The following PHF21A variants were observed in gnomAD, a reference collection of about 807,000 sequenced individuals.
The protein encoded by PHF21A is BHC80a.
A neutral mutation model predicts 82.5 loss-of-function variants in PHF21A; 11 were observed. That is an observed-to-expected ratio of 0.13 (90% CI 0.08 to 0.22). The LOEUF (loss-of-function observed/expected upper bound fraction) is 0.22. PHF21A is among the 10% of genes least tolerant of loss of function. PHF21A has a pLI of 1.00. For synonymous variants in PHF21A, 297 were observed against 302.8 expected (o/e 0.98, Z 0.20); for missense variants, 579 against 837.8 (o/e 0.69, Z 3.81).
At chr11:46,064,099 G>C (rs918091986) in intron 6 of PHF21A, among the ~76,000 whole-genome samples, 2 of 152,148 alleles carry the variant, frequency 1.3e-5, no homozygotes, top group Admixed American at 1.3e-4. Flanking sequence ...TGTGCTTCTT[G>C]ACTCCACAGG....
Position 46,046,643 on chromosome 11 carries a change from G to T in PHF21A, c.153+30111C>A, listed in dbSNP as rs1398372555. Among the ~76,000 whole-genome samples the T allele has an allele frequency of 5.3e-5, 8 of 152,262 alleles. No individual in the cohort carries two copies. In the East Asian group the frequency reaches 1.5e-3, roughly 29 times the overall value. ...CTCATATATCTTCTCTGTCAAAAGGGTTGGTAATGGTATGCCACAAGACAA... is the reference window on the plus strand; with the variant it reads ...CTCATATATCTTCTCTGTCAAAAGGTTTGGTAATGGTATGCCACAAGACAA... On this transcript the variant is annotated intron_variant, in intron 6 of 18. Coordinates refer to ENST00000676320, the MANE Select transcript of PHF21A (RefSeq NM_001352027.3).
intron 6 of PHF21A, among the ~76,000 whole-genome samples, chr11:46,024,266 G>A (rs918162673): frequency 6.6e-6 from 1 of 151,974 alleles, no homozygotes; most frequent in Non-Finnish European, 1.5e-5. Context: ...CCACTTACAT[G>A]TCTAGGCTAT....
chr11:46,040,308 A>G (rs1290629387), intron 6 of PHF21A, among the ~76,000 whole-genome samples: 1 of 152,230 alleles, frequency 6.6e-6, no homozygotes, highest in African/African-American at 2.4e-5. Context: ...CTGGAAGGAA[A>G]TACCTGCACT....
At chr11:46,090,178 G>A (rs776704740) in intron 3 of PHF21A, among the ~76,000 whole-genome samples, 51 of 151,936 alleles carry the variant, frequency 3.4e-4, no homozygotes, top group Admixed American at 2.6e-4. Context: ...AGGTATGAGA[G>A]CATAGTGACA....
At chr11:45,963,441 AAAG>A (rs1262034587) in intron 10 of PHF21A, among the ~76,000 whole-genome samples, 2 of 151,636 alleles carry the variant, frequency 1.3e-5, no homozygotes, top group East Asian at 1.9e-4. Context: ...AAAAAAAAGA[AAAG>A]AAAAAAAAAT....
intron 11 of PHF21A, among the ~76,000 whole-genome samples, chr11:45,952,962 T>A (rs1361520685): frequency 6.6e-6 from 1 of 152,258 alleles, no homozygotes; most frequent in African/African-American, 2.4e-5. Flanking sequence ...GCTATTTATG[T>A]TTATAATTCT....
At chr11:46,064,642 G>C (rs1486440420) in intron 6 of PHF21A, among the ~76,000 whole-genome samples, 1 of 151,862 alleles carries the variant, frequency 6.6e-6, no homozygotes, top group Non-Finnish European at 1.5e-5. Context: ...TAATCTGTTG[G>C]GGAAAAAAAG....
intron 11 of PHF21A, among the ~76,000 whole-genome samples, chr11:45,952,078 T>G (rs565482212): frequency 1.8e-4 from 27 of 152,330 alleles, no homozygotes; most frequent in Admixed American, 1.5e-3. Flanking sequence ...GTGGTGGGAT[T>G]ACAGGCGTGA....
At chr11:46,101,857 C>T (rs2097100155) in intron 1 of PHF21A, among the ~76,000 whole-genome samples, 1 of 151,190 alleles carries the variant, frequency 6.6e-6, no homozygotes, top group Admixed American at 6.6e-5. Context: ...GCTGGTCTCC[C>T]TCTTTTTTTT....
intron 6 of PHF21A, among the ~76,000 whole-genome samples, chr11:45,983,082 C>T (rs892499437): frequency 2.0e-5 from 3 of 151,884 alleles, no homozygotes; most frequent in Non-Finnish European, 4.4e-5. Flanking sequence ...AAAGCAGGAG[C>T]AAGGGATGCG....
chr11:46,069,998 T>C (rs944984748), intron 6 of PHF21A, among the ~76,000 whole-genome samples: 6 of 152,176 alleles, frequency 3.9e-5, no homozygotes, highest in Non-Finnish European at 7.3e-5. Context: ...TCCACGAATA[T>C]GGAAAGAGAC....
chr11:46,074,860 G>A (rs1475335708), intron 6 of PHF21A, among the ~76,000 whole-genome samples: 7 of 152,148 alleles, frequency 4.6e-5, no homozygotes, highest in South Asian at 2.1e-4. Flanking sequence ...GTCTGAGGAC[G>A]GATGAGCTTT....
At chr11:45,986,233 C>G (rs543658097) in intron 6 of PHF21A, among the ~76,000 whole-genome samples, 8 of 152,120 alleles carry the variant, frequency 5.3e-5, no homozygotes, top group African/African-American at 1.9e-4. Flanking sequence ...TATTTGCTAG[C>G]CTGATTGAAA....
chr11:46,068,358 T>C (rs138028302), intron 6 of PHF21A, among the ~76,000 whole-genome samples: 1 of 152,186 alleles, frequency 6.6e-6, no homozygotes, highest in Non-Finnish European at 1.5e-5. Context: ...TAAATGGGAA[T>C]GGATTTTTTG....
Position 45,936,498 on chromosome 11 carries a change from T to C in PHF21A, c.1680A>G (p.Lys560=). The C allele has an allele frequency of 6.2e-7, 1 of 1,606,830 alleles. No homozygotes were observed. Among genetic ancestry groups the C allele is most frequent in the Non-Finnish European group, 8.5e-7 (1 of 1,173,608 alleles). Residue 560 remains lysine, a synonymous_variant, in exon 17 of 19, where the codon AAA becomes AAG. Coordinates refer to ENST00000676320, the MANE Select transcript of PHF21A (RefSeq NM_001352027.3). ...TGGGTATGGATAACTCCTTACCTGCTTTGTAGGCAATATAGGAATGAACAA... is the reference window on the plus strand; with the variant it reads ...TGGGTATGGATAACTCCTTACCTGCCTTGTAGGCAATATAGGAATGAACAA... ...LAIVHSYIAY[K]AAKEEEKQKL...
intron 6 of PHF21A, among the ~76,000 whole-genome samples, chr11:46,011,654 G>A (rs2095416414): frequency 6.6e-6 from 1 of 152,134 alleles, no homozygotes; most frequent in Non-Finnish European, 1.5e-5. Flanking sequence ...TTTGGTTTAG[G>A]TCCTTTCTCT....
intron 7 of PHF21A, 133 bp from the exon 8 acceptor site, chr11:45,971,500 G>A (rs1473058683): frequency 1.2e-6 from 1 of 836,634 alleles, no homozygotes; most frequent in Non-Finnish European, 1.8e-6. Flanking sequence ...TTTCTCTGTA[G>A]AACAACATTT....
chr11:46,030,620 T>C (rs1291903469), intron 6 of PHF21A, among the ~76,000 whole-genome samples: 1 of 152,222 alleles, frequency 6.6e-6, no homozygotes, highest in South Asian at 2.1e-4. Context: ...TTCAAAAAGA[T>C]TCTTTAATCC....
intron 15 of PHF21A, 107 bp from the exon 16 acceptor site, chr11:45,938,419 T>A: frequency 1.2e-6 from 1 of 859,308 alleles, no homozygotes; most frequent in Non-Finnish European, 1.8e-6. Context: ...ATCAGCTGCC[T>A]CGTTCCAGGA....
Sources: gnomAD v4.1 joint callset for allele counts (sites outside exome capture counted in the v4.1 genomes callset) on GRCh38, gnomAD v4.1.1 for gene constraint, MANE v1.5 for transcripts, NCBI Gene and HGNC (gene_info 2026-07-23, HGNC 2026-07-21) for gene names.